NCOA6: variants seen among roughly 807,000 people sequenced by gnomAD.
NCOA6 encodes nuclear receptor coactivator 6.
NCOA6 carries 49 observed loss-of-function variants against 171.4 expected under a neutral mutation model. The ratio of observed to expected loss-of-function variants is 0.29; its 90% CI spans 0.23 to 0.36. The LOEUF (loss-of-function observed/expected upper bound fraction) is 0.36. NCOA6 is among the 10% of genes least tolerant of loss of function. NCOA6 has a pLI of 1.00. For synonymous variants in NCOA6, 910 were observed against 927.5 expected, an observed-to-expected ratio of 0.98 and a Z score of 0.34; for missense variants, 2,248 against 2,554.5, an observed-to-expected ratio of 0.88 and a Z score of 2.59.
chr20:34,778,522 G>A (rs768128751), intron 3 of NCOA6, among the ~76,000 whole-genome samples: 1 of 151,332 alleles, frequency 6.6e-6, no homozygotes, highest in Non-Finnish European at 1.5e-5. Flanking sequence ...CTGCCTCCCG[G>A]CTTCAAGCAA....
At chr20:34,746,995 T>A (rs1352875217) in intron 9 of NCOA6, 67 bp from the exon 10 acceptor site, 24 of 1,352,868 alleles carry the variant, frequency 1.8e-5, no homozygotes, top group Non-Finnish European at 2.3e-5. Context: ...TACACAAAAC[T>A]AGCTTAACCC....
chr20:34,746,530 C>A (rs2076306812), intron 10 of NCOA6, among the ~76,000 whole-genome samples: 1 of 152,136 alleles, frequency 6.6e-6, no homozygotes, highest in Admixed American at 6.5e-5. Flanking sequence ...GGTGGATGAG[C>A]CATCATGCCC....
chr20:34,761,050 T>C (rs986784141), intron 5 of NCOA6, among the ~76,000 whole-genome samples: 10 of 152,048 alleles, frequency 6.6e-5, no homozygotes, highest in South Asian at 2.1e-4. Flanking sequence ...GTAAAACCCC[T>C]GTCTCTAGTA....
chr20:34,746,623 A>G (rs1329042970), intron 10 of NCOA6, among the ~76,000 whole-genome samples, 184 bp downstream of exon 10: 4 of 152,228 alleles, frequency 2.6e-5, no homozygotes, highest in Non-Finnish European at 5.9e-5. Context: ...TGTGCCTTCA[A>G]AAGTTATATT....
intron 4 of NCOA6, among the ~76,000 whole-genome samples, chr20:34,771,822 G>A (rs2077159806): frequency 6.6e-6 from 1 of 152,108 alleles, no homozygotes; most frequent in Admixed American, 6.5e-5. Flanking sequence ...TGCCCAAAAA[G>A]GCCTCTACCA....
chr20:34,751,376 C>CAAAAAAAAAAAAAGAAAAAAAAAAAAAA (rs2076478662), intron 8 of NCOA6, among the ~76,000 whole-genome samples: 1 of 68,294 alleles, frequency 1.5e-5, no homozygotes, highest in East Asian at 5.1e-4. Flanking sequence ...GACTCCGTCT[C>CAAAAAAAAAAAAAGAAAAAAAAAAAAAA]AAAAAAAAAA....
intron 14 of NCOA6, among the ~76,000 whole-genome samples, chr20:34,722,955 C>T (rs547133639): frequency 6.6e-6 from 1 of 152,028 alleles, no homozygotes; most frequent in Non-Finnish European, 1.5e-5. Context: ...TGCAGTGAGC[C>T]GAGATTGTGC....
At chr20:34,739,011 T>C (rs2076047000) in intron 11 of NCOA6, 1 of 444,738 alleles carries the variant, frequency 2.2e-6, no homozygotes, top group South Asian at 1.6e-5. Flanking sequence ...AGTGTGTGAC[T>C]GACTCCACTC....
At chr20:34,795,125 A>G (rs936281523) in intron 1 of NCOA6, among the ~76,000 whole-genome samples, 1 of 152,196 alleles carries the variant, frequency 6.6e-6, no homozygotes, top group African/African-American at 2.4e-5. Context: ...TTTCAAAATC[A>G]CCATTTTGCA....
At chr20:34,747,057 CTCTAG>C in intron 9 of NCOA6, 129 bp from the exon 10 acceptor site, 3 of 917,630 alleles carry the variant, frequency 3.3e-6, no homozygotes, top group East Asian at 2.9e-5. Flanking sequence ...ATTCATCTCT[CTCTAG>C]TCTAGATAAA....
In NCOA6 at chr20:34,749,395, C is replaced by T; in HGVS notation, c.2792+8G>A. 1 of 1,579,564 alleles carries T rather than the reference C, an allele frequency of 6.3e-7. No homozygotes were observed. The highest frequency in any genetic ancestry group is 8.6e-7 in the Non-Finnish European group (1 of 1,163,034). On this transcript the variant is annotated splice_region_variant and intron_variant, in intron 9 of 14. Transcript: ENST00000359003. ...AATAAAATTTGAGGCAAAACCATCA[C>T]AACCTACTTTAGATCTTGCTGACTA...
intron 2 of NCOA6, among the ~76,000 whole-genome samples, chr20:34,790,303 A>G (rs1279992782): frequency 6.6e-6 from 1 of 152,120 alleles, no homozygotes; most frequent in Non-Finnish European, 1.5e-5. Context: ...CAGAAGCCAG[A>G]CATAAAAGGT....
Position 34,770,875 on chromosome 20 carries a change from C to CT in NCOA6, c.392-2290dup, listed in dbSNP as rs547083779. Among the ~76,000 whole-genome samples, 12 of 152,228 alleles carry CT rather than the reference C, an allele frequency of 7.9e-5. No homozygotes were observed. The South Asian group carries it at 2.3e-3, about 29-fold the overall frequency. On this transcript the variant is annotated intron_variant, in intron 4 of 14. Transcript: ENST00000359003. ...GAATTCCTGACCTCAGACAATCCGCCTGTCTTGGCCTCCCAAAGTGCTGGG... is the reference window on the plus strand; with the variant it reads ...GAATTCCTGACCTCAGACAATCCGCCTTGTCTTGGCCTCCCAAAGTGCTGGG...
At chr20:34,772,679 G>A (rs2077187498) in intron 4 of NCOA6, among the ~76,000 whole-genome samples, 1 of 151,340 alleles carries the variant, frequency 6.6e-6, no homozygotes, top group Non-Finnish European at 1.5e-5. Flanking sequence ...ATGTAGTGGA[G>A]TTCTGAGCCA....
At chr20:34,753,331 G>A (rs1417394465) in intron 8 of NCOA6, among the ~76,000 whole-genome samples, 3 of 150,840 alleles carry the variant, frequency 2.0e-5, no homozygotes, top group Admixed American at 1.3e-4. Context: ...ACAGGCGTGA[G>A]CCACCGCACC....
intron 3 of NCOA6, among the ~76,000 whole-genome samples, chr20:34,780,304 T>C (rs926215872): frequency 1.3e-5 from 2 of 152,240 alleles, no homozygotes; most frequent in African/African-American, 2.4e-5. Context: ...AAAATATTTT[T>C]TGGACCAAGA....
At chr20:34,794,795 AG>A (rs2078010937) in intron 1 of NCOA6, among the ~76,000 whole-genome samples, 1 of 152,228 alleles carries the variant, frequency 6.6e-6, no homozygotes, top group South Asian at 2.1e-4. Context: ...ACAAGAACAC[AG>A]GAGCCAGTTT....
At chr20:34,759,802 T>C (rs1035226556) in intron 5 of NCOA6, among the ~76,000 whole-genome samples, 3 of 152,186 alleles carry the variant, frequency 2.0e-5, no homozygotes, top group Admixed American at 2.0e-4. Context: ...CTTTAGACTA[T>C]ATATTTAGAA....
intron 3 of NCOA6, among the ~76,000 whole-genome samples, chr20:34,778,737 AT>A (rs2146143706): frequency 6.6e-6 from 1 of 152,064 alleles, no homozygotes; most frequent in African/African-American, 2.4e-5. Flanking sequence ...GAGATGTTTA[AT>A]TTTACAAGAT....
Sources: allele counts gnomAD v4.1 joint callset (sites outside exome capture counted in the v4.1 genomes callset), GRCh38; gene constraint gnomAD v4.1.1; transcripts MANE v1.5; gene names NCBI Gene and HGNC (gene_info 2026-07-23, HGNC 2026-07-21).